Variants in CTNND1 observed in about 807,000 individuals in gnomAD.
The protein encoded by CTNND1 is catenin delta-1.
CTNND1 carries 16 observed loss-of-function variants against 112.1 expected under a neutral mutation model. The observed-to-expected ratio is 0.14, with a 90% CI of 0.10 to 0.22. The LOEUF (loss-of-function observed/expected upper bound fraction) is 0.22, where lower values mean the gene tolerates loss of function less well. CTNND1 is among the 10% of genes least tolerant of loss of function. The probability of loss-of-function intolerance (pLI) is 1.00; values close to 1 mark genes in which losing one functional copy is unlikely to be tolerated. For missense variants in CTNND1, 1,008 were observed against 1,257.0 expected (o/e 0.80, Z 3.00); for synonymous variants, 420 against 446.5 (o/e 0.94, Z 0.75).
intron 17 of CTNND1, among the ~76,000 whole-genome samples, chr11:57,812,196 G>A (rs532530272): frequency 2.6e-5 from 4 of 152,278 alleles, no homozygotes; most frequent in African/African-American, 9.6e-5. Context: ...ATAGGTAAAA[G>A]CAGAGAGCCA....
chr11:57,801,994 G>A lies in CTNND1; in HGVS notation c.1218G>A (p.Lys406=). Residue 406 remains lysine (K), a synonymous_variant, in exon 7 of 21, where the codon AAG becomes AAA. Coordinates refer to ENST00000399050, the MANE Select transcript of CTNND1 (RefSeq NM_001085458.2). ...RNDKVKTDVR[K]LKGIPVLVGL... ...ACAAGGTGAAGACTGACGTGCGGAA[G>A]CTCAAGGGCATCCCAGTACTGGTGG... 1 of 1,614,054 alleles carries A rather than the reference G, an allele frequency of 6.2e-7. No individual in the cohort carries two copies. The highest frequency in any genetic ancestry group is 8.5e-7 in the Non-Finnish European group (1 of 1,179,904).
chr11:57,813,299 T>C (rs1485975185), intron 17 of CTNND1, among the ~76,000 whole-genome samples: 2 of 152,160 alleles, frequency 1.3e-5, no homozygotes, highest in Non-Finnish European at 2.9e-5. Flanking sequence ...CATTCCAGCC[T>C]GGGCAACAGA....
chr11:57,791,298 G>A lies in CTNND1; in HGVS notation c.-94-87G>A, dbSNP rs2060713062. 5 of 1,152,678 alleles carry A rather than the reference G, an allele frequency of 4.3e-6. No individual in the cohort carries two copies. In the East Asian group the frequency reaches 1.6e-4, roughly 37 times the overall value. 71.4% of individuals were successfully genotyped at this position (1,152,678 alleles called of 1,614,324 possible). On this transcript the variant is annotated intron_variant, in intron 2 of 20. Transcript: ENST00000399050. ...TCTGCACTGCAGTAAAACCACGAGA[G>A]GGCATCTTTGGCTCTGGGATTAATA...
rs150572351 is a variant in CTNND1 at position 57,788,637 on chromosome 11, A to G, written c.-213-400A>G. Among the ~76,000 whole-genome samples the G allele has an allele frequency of 2.1e-5, 3 of 145,414 alleles. No individual in the cohort carries two copies. Among genetic ancestry groups the G allele is most frequent in the Admixed American group, 6.8e-5 (1 of 14,698 alleles). On this transcript the variant is annotated intron_variant, in intron 1 of 20. Coordinates refer to ENST00000399050, the MANE Select transcript of CTNND1 (RefSeq NM_001085458.2). The surrounding 1 kb of genome is among the most constrained non-coding windows in gnomAD (Gnocchi z 4.1). ...TTGGTTTCTCAATGTCTTTGTGGGC[A>G]TGCTGGGACTGGGCTTTGAGGTTTC...
chr11:57,779,611 G>A (rs910246456), intron 1 of CTNND1, among the ~76,000 whole-genome samples: 1 of 152,188 alleles, frequency 6.6e-6, no homozygotes, highest in Non-Finnish European at 1.5e-5. Flanking sequence ...ATGCTGGCTA[G>A]CACAATCTTT....
Position 57,791,400 on chromosome 11 carries a change from T to G in CTNND1, c.-79T>G. ...TTCCCGGTAGTGTGAAGTGAGGGGGTCTCTCTCCCTCCTTCTCCTTCCTCT... is the reference window on the plus strand; with the variant it reads ...TTCCCGGTAGTGTGAAGTGAGGGGGGCTCTCTCCCTCCTTCTCCTTCCTCT... On this transcript the variant is annotated 5_prime_UTR_variant, in exon 3 of 21. Coordinates refer to ENST00000399050, the MANE Select transcript of CTNND1 (RefSeq NM_001085458.2). The G allele has an allele frequency of 2.2e-6, 3 of 1,363,060 alleles. No homozygotes were observed. The highest frequency in any genetic ancestry group is 1.9e-6 in the Non-Finnish European group (2 of 1,050,916). The allele number at this position is 1,363,060 out of a possible 1,614,324, so 84.4% of individuals were successfully genotyped here. A position where few individuals can be genotyped will look rare whatever the true frequency, so the allele number is the denominator to read the frequency against.
At chr11:57,766,407 T>C (rs1251179455) in intron 1 of CTNND1, among the ~76,000 whole-genome samples, 1 of 152,226 alleles carries the variant, frequency 6.6e-6, no homozygotes, top group Non-Finnish European at 1.5e-5. Flanking sequence ...GTTCATGTAT[T>C]GGGAAGCTTA....
chr11:57,814,224 G>A, intron 17 of CTNND1, 87 bp from the exon 18 acceptor site: 3 of 880,308 alleles, frequency 3.4e-6, no homozygotes, highest in Non-Finnish European at 5.6e-6. Flanking sequence ...ATGAAGGGAA[G>A]GAAGGAGGAC....
Position 57,770,668 on chromosome 11 carries a change from T to TA in CTNND1, c.-214+8558dup, listed in dbSNP as rs201892456. Among the ~76,000 whole-genome samples, 279 of 149,944 alleles carry TA rather than the reference T, an allele frequency of 1.9e-3. No homozygotes were observed. In the Middle Eastern group the frequency reaches 0.027, roughly 15 times the overall value. On this transcript the variant is annotated intron_variant, in intron 1 of 20. Transcript: ENST00000399050. ...CTCCATCTCAAAAAAAATAAAAAAA[T>TA]AAAAAAAAAGAAAAGAAAAGATTTT...
intron 1 of CTNND1, among the ~76,000 whole-genome samples, chr11:57,774,293 G>T (rs1419351766): frequency 6.6e-6 from 1 of 152,186 alleles, no homozygotes; most frequent in African/African-American, 2.4e-5. Context: ...ACCAGGTTTT[G>T]AAAATTTGGC....
At chr11:57,812,290 C>T (rs1272837009) in intron 17 of CTNND1, among the ~76,000 whole-genome samples, 3 of 152,136 alleles carry the variant, frequency 2.0e-5, no homozygotes, top group East Asian at 1.9e-4. Context: ...GAGGCTGAGG[C>T]GGGCAGATCA....
intron 12 of CTNND1, 113 bp downstream of exon 12, chr11:57,807,096 C>T (rs1346083905): frequency 2.3e-6 from 2 of 859,174 alleles, no homozygotes; most frequent in Admixed American, 2.4e-5. Flanking sequence ...TCTTTTCCAA[C>T]TTACAGATTT....
chr11:57,770,720 A>T (rs1392424117), intron 1 of CTNND1, among the ~76,000 whole-genome samples: 1 of 152,204 alleles, frequency 6.6e-6, no homozygotes, highest in African/African-American at 2.4e-5. Context: ...TATTTTAAGA[A>T]ACTAAAATAT....
At chr11:57,763,056 T>G (rs7120868) in intron 1 of CTNND1, among the ~76,000 whole-genome samples, 51,259 of 152,082 alleles carry the variant, frequency 0.34, 9,520 homozygotes, top group Middle Eastern at 0.43. Flanking sequence ...TAAACCAACC[T>G]GAAAGTTGTT....
Position 57,761,840 on chromosome 11 carries a change from C to CT in CTNND1, c.-492dup. The CT allele has an allele frequency of 1.0e-6, 1 of 985,012 alleles. No individual in the cohort carries two copies. Among genetic ancestry groups the CT allele is most frequent in the Non-Finnish European group, 1.2e-6 (1 of 829,892 alleles). The allele number at this position is 985,012 out of a possible 1,614,324, so 61.0% of individuals were successfully genotyped here. A position where few individuals can be genotyped will look rare whatever the true frequency, so the allele number is the denominator to read the frequency against. On this transcript the variant is annotated 5_prime_UTR_variant, in exon 1 of 21. Coordinates refer to ENST00000399050, the MANE Select transcript of CTNND1 (RefSeq NM_001085458.2). ...ACCACCCAGGCTCCCTTGCCTTTGGCTGGGTGCAACTTCCATTTTAGGTGT... is the reference window on the plus strand; with the variant it reads ...ACCACCCAGGCTCCCTTGCCTTTGGCTTGGGTGCAACTTCCATTTTAGGTGT...
At chr11:57,802,764 A>AT (rs1035982242) in intron 7 of CTNND1, among the ~76,000 whole-genome samples, 4 of 152,230 alleles carry the variant, frequency 2.6e-5, no homozygotes, top group African/African-American at 9.7e-5. Context: ...CCGTTAGTGA[A>AT]TAAAACAAAA....
intron 17 of CTNND1, among the ~76,000 whole-genome samples, chr11:57,811,985 A>G (rs1000210171): frequency 6.6e-6 from 1 of 152,230 alleles, no homozygotes; most frequent in Non-Finnish European, 1.5e-5. Context: ...CATAAAGTGT[A>G]TATTGTGACC....
At chr11:57,792,182 A>G (rs2060821770) in intron 3 of CTNND1, among the ~76,000 whole-genome samples, 1 of 152,034 alleles carries the variant, frequency 6.6e-6, no homozygotes. Context: ...TGTGTAAATC[A>G]TGTGTTGGAG....
chr11:57,813,324 C>CA (rs776054603), intron 17 of CTNND1, among the ~76,000 whole-genome samples: 83 of 152,058 alleles, frequency 5.5e-4, no homozygotes, highest in Non-Finnish European at 9.9e-4. Context: ...GACCCTGTCT[C>CA]AAAAAATACA....
Sources: gnomAD v4.1 joint callset for allele counts (sites outside exome capture counted in the v4.1 genomes callset) on GRCh38, gnomAD v4.1.1 for gene constraint, Gnocchi (gnomAD v3.1) non-coding constraint, MANE v1.5 for transcripts, NCBI Gene and HGNC (gene_info 2026-07-23, HGNC 2026-07-21) for gene names.